The following ADK variants were observed in gnomAD, a reference collection of about 807,000 sequenced individuals.
The protein encoded by ADK is adenosine kinase, also known as N6,N6-dimethyladenosine kinase.
ADK carries 24 observed loss-of-function variants against 44.7 expected under a neutral mutation model. That is an observed-to-expected ratio of 0.54 (90% CI 0.39 to 0.76). ADK has a LOEUF of 0.76. Ranked by LOEUF, ADK falls within the 30% of genes least tolerant of loss-of-function variation. The pLI, the probability that ADK is intolerant of heterozygous loss-of-function variation, is 0.00. For synonymous variants in ADK, 128 were observed against 142.6 expected (o/e 0.90, Z 0.73); for missense variants, 321 against 425.1 (o/e 0.76, Z 2.15).
chr10:74,255,189 A>T (rs559133361), intron 3 of ADK, among the ~76,000 whole-genome samples: 71 of 152,278 alleles, frequency 4.7e-4, no homozygotes, highest in African/African-American at 1.7e-3. Flanking sequence ...GAAATTATAA[A>T]GGCAAAAATT....
chr10:74,266,609 C>T lies in ADK; in HGVS notation c.194+42018C>T, dbSNP rs200931891. Among the ~76,000 whole-genome samples the T allele has an allele frequency of 5.9e-5, 9 of 151,854 alleles. No homozygotes were observed. The East Asian group carries it at 1.2e-3, about 20-fold the overall frequency. On this transcript the variant is annotated intron_variant, in intron 3 of 10. Coordinates refer to ENST00000539909, the MANE Select transcript of ADK (RefSeq NM_006721.4). ...AGGCACTGCTTGTATAGTAAATGAG[C>T]GAATTGTCTTATTGAGTATAACCCA...
At chr10:74,231,104 T>G (rs1011639729) in intron 3 of ADK, among the ~76,000 whole-genome samples, 3 of 152,190 alleles carry the variant, frequency 2.0e-5, no homozygotes, top group Non-Finnish European at 4.4e-5. Context: ...GGAAATCACT[T>G]CAGACCTATA....
At chr10:74,515,247 G>A (rs1295515572) in intron 6 of ADK, among the ~76,000 whole-genome samples, 1 of 152,156 alleles carries the variant, frequency 6.6e-6, no homozygotes, top group African/African-American at 2.4e-5. Context: ...ATCCACTCTA[G>A]TGGCATTTGT....
intron 4 of ADK, among the ~76,000 whole-genome samples, chr10:74,354,201 ATTAG>A (rs1202520063): frequency 4.6e-5 from 7 of 152,350 alleles, no homozygotes; most frequent in African/African-American, 1.7e-4. Flanking sequence ...AGCATGTGGA[ATTAG>A]TTCTTGTCTG....
chr10:74,606,088 C>T (rs568601934), intron 9 of ADK, among the ~76,000 whole-genome samples: 1 of 151,926 alleles, frequency 6.6e-6, no homozygotes, highest in Non-Finnish European at 1.5e-5. Context: ...CAGTGGTGAT[C>T]TCCCCTTTAT....
intron 4 of ADK, among the ~76,000 whole-genome samples, chr10:74,337,236 G>A (rs1481148258): frequency 6.6e-6 from 1 of 152,222 alleles, no homozygotes; most frequent in Non-Finnish European, 1.5e-5. Context: ...ACAATAGGTT[G>A]CTGGAGCTTT....
intron 6 of ADK, among the ~76,000 whole-genome samples, chr10:74,490,352 T>C (rs1233209359): frequency 1.3e-5 from 2 of 152,116 alleles, no homozygotes; most frequent in Admixed American, 1.3e-4. Context: ...AATGATAATG[T>C]AGAACGATGT....
chr10:74,458,119 CTTTTTTTTTTTTTT>C lies in ADK; in HGVS notation c.555+59554_555+59567del, dbSNP rs1172945144. 4.4e-4 allele frequency among the ~76,000 whole-genome samples: 33 copies of C among 74,464 alleles called. No individual in the cohort carries two copies. The South Asian group carries it at 0.013, about 29-fold the overall frequency. 48.9% of individuals were successfully genotyped at this position (74,464 alleles called of 152,430 possible). On this transcript the variant is annotated intron_variant, in intron 6 of 10. Coordinates refer to ENST00000539909, the MANE Select transcript of ADK (RefSeq NM_006721.4). ...TAATCTTTTTTAATGTGCATTAAAACTTTTTTTTTTTTTTTTTTTTTTTTTTTGGGGGGAGAAGG... is the reference window on the plus strand; with the variant it reads ...TAATCTTTTTTAATGTGCATTAAAACTTTTTTTTTTTTTGGGGGGAGAAGG...
intron 1 of ADK, among the ~76,000 whole-genome samples, chr10:74,163,252 C>G (rs1206810769): frequency 6.6e-6 from 1 of 152,352 alleles, no homozygotes; most frequent in Middle Eastern, 3.4e-3. Flanking sequence ...AGGCGCGAGC[C>G]ACTGTGCCCG....
chr10:74,549,697 A>C (rs1376166546), intron 7 of ADK, among the ~76,000 whole-genome samples: 1 of 152,156 alleles, frequency 6.6e-6, no homozygotes, highest in African/African-American at 2.4e-5. Context: ...TCGGCCTCCC[A>C]AGATCCTGGG....
At chr10:74,441,439 A>T (rs931341702) in intron 6 of ADK, among the ~76,000 whole-genome samples, 1 of 152,252 alleles carries the variant, frequency 6.6e-6, no homozygotes, top group Non-Finnish European at 1.5e-5. Context: ...AAAAATGTGT[A>T]TATGAATGTT....
intron 6 of ADK, among the ~76,000 whole-genome samples, chr10:74,481,112 T>G (rs1352150913): frequency 6.6e-6 from 1 of 152,164 alleles, no homozygotes; most frequent in Admixed American, 6.5e-5. Context: ...CTGGGATTGT[T>G]TTTTCCTTTT....
intron 6 of ADK, among the ~76,000 whole-genome samples, chr10:74,491,902 A>G (rs1326716109): frequency 6.6e-6 from 1 of 152,178 alleles, no homozygotes; most frequent in East Asian, 1.9e-4. Context: ...CAGTTCTACT[A>G]CTTTACCTTT....
chr10:74,468,695 G>C (rs1846445522), intron 6 of ADK, among the ~76,000 whole-genome samples: 1 of 152,144 alleles, frequency 6.6e-6, no homozygotes, highest in Admixed American at 6.5e-5. Flanking sequence ...AGTCTATCCA[G>C]ATCTAAAGAT....
At chr10:74,475,264 G>A (rs1013876693) in intron 6 of ADK, among the ~76,000 whole-genome samples, 9 of 152,198 alleles carry the variant, frequency 5.9e-5, no homozygotes, top group African/African-American at 1.2e-4. Flanking sequence ...ACTCAAATTC[G>A]AGATTTAACT....
At chr10:74,305,128 C>T (rs1472063763) in intron 3 of ADK, among the ~76,000 whole-genome samples, 1 of 152,116 alleles carries the variant, frequency 6.6e-6, no homozygotes, top group Non-Finnish European at 1.5e-5. Context: ...GTTATACTCT[C>T]TTGTTTAGGG....
At chr10:74,257,301 C>G (rs2132356755) in intron 3 of ADK, among the ~76,000 whole-genome samples, 1 of 152,236 alleles carries the variant, frequency 6.6e-6, no homozygotes, top group South Asian at 2.1e-4. Flanking sequence ...TATTTTCAAT[C>G]CACATTTGGT....
At chr10:74,300,634 T>G (rs964318544) in intron 3 of ADK, among the ~76,000 whole-genome samples, 1 of 152,036 alleles carries the variant, frequency 6.6e-6, no homozygotes, top group African/African-American at 2.4e-5. Context: ...TCACTTTGGC[T>G]TCCCATAGTG....
chr10:74,702,849 G>A (rs182151339), intron 10 of ADK, among the ~76,000 whole-genome samples: 53 of 152,064 alleles, frequency 3.5e-4, no homozygotes, highest in African/African-American at 1.3e-3. Context: ...TGCCTGCCTC[G>A]GACTCCCAAA....
Sources: gnomAD v4.1 joint callset for allele counts (sites outside exome capture counted in the v4.1 genomes callset) on GRCh38, gnomAD v4.1.1 for gene constraint, MANE v1.5 for transcripts, NCBI Gene and HGNC (gene_info 2026-07-23, HGNC 2026-07-21) for gene names.